LRP2: variants seen among roughly 807,000 people sequenced by gnomAD.
LRP2 encodes the protein low-density lipoprotein receptor-related protein 2.
In LRP2, 172 loss-of-function variants were observed where a neutral mutation model predicts 531.0. The ratio of observed to expected loss-of-function variants is 0.32; its 90% CI spans 0.29 to 0.37. The LOEUF is 0.37. LRP2 is among the 10% of genes least tolerant of loss of function. The probability of loss-of-function intolerance (pLI) is 1.00; values close to 1 mark genes in which losing one functional copy is unlikely to be tolerated. For synonymous variants in LRP2, 1,992 were observed against 2,027.6 expected (o/e 0.98, Z 0.47); for missense variants, 5,167 against 5,868.3 (o/e 0.88, Z 3.90).
chr2:169,170,523 T>C (rs1230124281), intron 59 of LRP2, 28 bp downstream of exon 59: 3 of 1,573,216 alleles, frequency 1.9e-6, no homozygotes, highest in Non-Finnish European at 2.6e-6. Flanking sequence ...TACAAAATTC[T>C]ATGGTAAGCT....
intron 1 of LRP2, among the ~76,000 whole-genome samples, chr2:169,327,543 C>T (rs1574261504): frequency 7.8e-6 from 1 of 128,034 alleles, no homozygotes; most frequent in South Asian, 2.6e-4. Context: ...GTGGGGTCAG[C>T]CCCCCGCCCG....
intron 3 of LRP2, 131 bp downstream of exon 3, chr2:169,318,631 T>C: frequency 2.4e-6 from 3 of 1,268,056 alleles, no homozygotes; most frequent in Admixed American, 3.5e-5. Flanking sequence ...ATTGCTGGCA[T>C]AGGTTCCCTT....
In LRP2 at chr2:169,294,715, T is replaced by A; in HGVS notation, c.428-5A>T. The stretch of plus-strand genomic sequence containing the variant: ...GCTGCTCACATGTTGGGTACTCTAT[T>A]GTAAAAAAAAAAAAAAAAAAAAAAA... On this transcript the variant is annotated splice_polypyrimidine_tract_variant and splice_region_variant and intron_variant, in intron 4 of 78. Transcript: ENST00000649046. 9.1e-7 allele frequency: 1 copy of A among 1,093,710 alleles called. No homozygotes were observed. The highest frequency in any genetic ancestry group is 1.2e-6 in the Non-Finnish European group (1 of 804,138). 67.8% of individuals were successfully genotyped at this position (1,093,710 alleles called of 1,614,324 possible).
chr2:169,135,127 G>A (rs1400782577), intron 76 of LRP2, among the ~76,000 whole-genome samples: 1 of 152,042 alleles, frequency 6.6e-6, no homozygotes, highest in East Asian at 1.9e-4. Flanking sequence ...CTTCCATGTA[G>A]GTTACAAGCC....
At chr2:169,214,108 AC>A (rs1373563774) in intron 35 of LRP2, among the ~76,000 whole-genome samples, 12 of 152,112 alleles carry the variant, frequency 7.9e-5, no homozygotes, top group Non-Finnish European at 1.5e-4. Flanking sequence ...GAGTCAGTCA[AC>A]CTTTTCAGGT....
At chr2:169,326,584 C>G (rs1201482717) in intron 1 of LRP2, among the ~76,000 whole-genome samples, 1 of 152,140 alleles carries the variant, frequency 6.6e-6, no homozygotes, top group Non-Finnish European at 1.5e-5. Context: ...ATCTCCCAGC[C>G]GCCTGCCTTG....
At chr2:169,211,524 T>C (rs1042765429) in intron 37 of LRP2, among the ~76,000 whole-genome samples, 1 of 152,210 alleles carries the variant, frequency 6.6e-6, no homozygotes, top group Non-Finnish European at 1.5e-5. Flanking sequence ...TATTAAATAG[T>C]AGTATACCTT....
chr2:169,232,128 T>A (rs1381244565), intron 30 of LRP2, among the ~76,000 whole-genome samples: 2 of 152,078 alleles, frequency 1.3e-5, no homozygotes, highest in African/African-American at 4.8e-5. Context: ...AAACAGCCAC[T>A]GAGTAATCTG....
chr2:169,356,592 T>A (rs970401965), intron 1 of LRP2, among the ~76,000 whole-genome samples: 1 of 152,212 alleles, frequency 6.6e-6, no homozygotes, highest in African/African-American at 2.4e-5. Flanking sequence ...AGATAATAAA[T>A]GGCAGAGGTA....
chr2:169,327,890 G>C (rs1268671975), intron 1 of LRP2, among the ~76,000 whole-genome samples: 3 of 62,666 alleles, frequency 4.8e-5, no homozygotes, highest in Non-Finnish European at 9.2e-5. Context: ...AGGTGGGGGG[G>C]TCAGCCCCCC....
Position 169,145,810 on chromosome 2 carries a change from G to A in LRP2, c.12925C>T (p.Leu4309=). The change falls in exon 70 of 79, where the codon CTG becomes TTG. Residue 4309 remains leucine, a synonymous_variant. Coordinates refer to ENST00000649046, the MANE Select transcript of LRP2 (RefSeq NM_004525.3). Reference sequence around the variant, plus strand: ...TGAGTGAGCCAAGGGTTCACTACCAGCGTTTTCTCTTTCTTTCCTTGCCCA... The same window carrying A: ...TGAGTGAGCCAAGGGTTCACTACCAACGTTTTCTCTTTCTTTCCTTGCCCA... ...KFGQGKKEKT[L]VVNPWLTQVR... 1 of 1,614,118 alleles carries A rather than the reference G, an allele frequency of 6.2e-7. No individual in the cohort carries two copies. Among genetic ancestry groups the A allele is most frequent in the Non-Finnish European group, 8.5e-7 (1 of 1,179,988 alleles).
In LRP2 at chr2:169,168,605, G is replaced by T; in HGVS notation, c.11569C>A (p.Pro3857Thr). 6.2e-7 allele frequency: 1 copy of T among 1,614,058 alleles called. No individual in the cohort carries two copies. Among genetic ancestry groups the T allele is most frequent in the Non-Finnish European group, 8.5e-7 (1 of 1,179,972 alleles). ...TCATCGCCATCACATTTCCAATATG[G>T]CGGGATACAAACATGGTTTTTGCAT... is the stretch of plus-strand genomic sequence containing the variant. ...FECKNHVCIP[P>T]YWKCDGDDDC... The change falls in exon 61 of 79, where the codon CCA becomes ACA. Residue 3857 changes from proline (P) to threonine (T), a missense_variant. By Grantham distance (38) the Pro-to-Thr change is conservative. Around this residue, in one of 6 missense-constraint regions of LRP2, gnomAD observed 564 missense variants for 747.7 expected, o/e 0.75. Coordinates refer to ENST00000649046, the MANE Select transcript of LRP2 (RefSeq NM_004525.3).
chr2:169,153,648 A>T (rs945173178), intron 66 of LRP2, among the ~76,000 whole-genome samples: 1 of 152,204 alleles, frequency 6.6e-6, no homozygotes, highest in Admixed American at 6.5e-5. Flanking sequence ...CAAGATTACT[A>T]CTTTGATTTT....
chr2:169,222,473 TC>T (rs2105355909), intron 33 of LRP2, among the ~76,000 whole-genome samples: 1 of 152,268 alleles, frequency 6.6e-6, no homozygotes, highest in East Asian at 1.9e-4. Flanking sequence ...CAACTGTTTT[TC>T]TCTCCTGGGA....
intron 63 of LRP2, among the ~76,000 whole-genome samples, chr2:169,161,417 T>C (rs1039482379): frequency 6.6e-6 from 1 of 152,190 alleles, no homozygotes; most frequent in Non-Finnish European, 1.5e-5. Context: ...TCCTTGGTTA[T>C]GTTCATCATC....
intron 9 of LRP2, 22 bp downstream of exon 9, chr2:169,289,004 G>A: frequency 6.2e-7 from 1 of 1,613,610 alleles, no homozygotes; most frequent in Middle Eastern, 1.7e-4. Flanking sequence ...AAGACAAGTA[G>A]CCGCCGCCCC....
chr2:169,140,576 G>GTCAGCTGTACTCAGCTGTAC lies in LRP2; in HGVS notation c.13109-32_13109-31insGTACAGCTGAGTACAGCTGA, dbSNP rs1292839731. 3 of 1,556,926 alleles carry GTCAGCTGTACTCAGCTGTAC rather than the reference G, an allele frequency of 1.9e-6. No individual in the cohort carries two copies. The South Asian group carries it at 3.3e-5, about 17-fold the overall frequency. The stretch of plus-strand genomic sequence containing the variant: ...GGAAGGGAAAGCCATGCAGGTGTTA[G>GTCAGCTGTACTCAGCTGTAC]TCAGCTGTACTCAGCAGAGTGCCCA... On this transcript the variant is annotated intron_variant, in intron 71 of 78. Transcript: ENST00000649046.
intron 6 of LRP2, among the ~76,000 whole-genome samples, chr2:169,293,913 C>A (rs987741444): frequency 6.6e-5 from 10 of 151,528 alleles, no homozygotes; most frequent in African/African-American, 2.4e-4. Context: ...ATCACCAGCC[C>A]TTTACATCTA....
intron 1 of LRP2, among the ~76,000 whole-genome samples, chr2:169,358,911 A>G (rs964103701): frequency 2.0e-5 from 3 of 151,038 alleles, no homozygotes; most frequent in African/African-American, 7.3e-5. Flanking sequence ...AAAAAAAAAA[A>G]AAAAAGAAAA....
Sources: allele counts gnomAD v4.1 joint callset (sites outside exome capture counted in the v4.1 genomes callset), GRCh38; gene constraint gnomAD v4.1.1; regional missense constraint gnomAD v4.1.1; transcripts MANE v1.5; gene names NCBI Gene and HGNC (gene_info 2026-07-23, HGNC 2026-07-21).